SCHIP1: variants seen among roughly 807,000 people sequenced by gnomAD.
SCHIP1 encodes schwannomin interacting protein 1.
A neutral mutation model predicts 29.7 loss-of-function variants in SCHIP1; 8 were observed. The ratio of observed to expected loss-of-function variants is 0.27; its 90% confidence interval spans 0.16 to 0.49. SCHIP1 has a LOEUF of 0.49. Ranked by LOEUF, SCHIP1 falls within the 20% of genes least tolerant of loss-of-function variation. The probability of loss-of-function intolerance (pLI) is 0.99; values close to 1 mark genes in which losing one functional copy is unlikely to be tolerated. For synonymous variants in SCHIP1, 76 were observed against 94.9 expected (o/e 0.80, Z 1.16); for missense variants, 193 against 294.6 (o/e 0.66, Z 2.52).
At chr3:159,761,737 A>G in the SCHIP1 span, among the ~76,000 whole-genome samples, 3 of 152,254 alleles carry the variant, frequency 2.0e-5, no homozygotes, top group Non-Finnish European at 4.4e-5. Flanking sequence ...AGGTAATTCA[A>G]AGATGTTTAT....
the SCHIP1 span, among the ~76,000 whole-genome samples, chr3:159,362,090 G>C: frequency 1.3e-5 from 2 of 152,100 alleles, no homozygotes; most frequent in Admixed American, 6.6e-5. Context: ...AAAAGTTAGA[G>C]GGTCAACGAT....
the SCHIP1 span, among the ~76,000 whole-genome samples, chr3:159,584,102 A>G: frequency 6.6e-6 from 1 of 151,984 alleles, no homozygotes; most frequent in Non-Finnish European, 1.5e-5. Context: ...TATTCTCCCC[A>G]CTATCTCTTC....
the SCHIP1 span, among the ~76,000 whole-genome samples, chr3:159,681,331 A>G: frequency 6.6e-6 from 1 of 152,276 alleles, no homozygotes; most frequent in South Asian, 2.1e-4. Flanking sequence ...GGAGAATTAA[A>G]TTCTCAAGCA....
chr3:159,601,996 G>A, the SCHIP1 span, among the ~76,000 whole-genome samples: 2 of 152,182 alleles, frequency 1.3e-5, no homozygotes, highest in African/African-American at 4.8e-5. Flanking sequence ...GGGAGGGTGA[G>A]TAACCCAGAA....
At chr3:159,315,425 T>C in the SCHIP1 span, among the ~76,000 whole-genome samples, 1 of 149,948 alleles carries the variant, frequency 6.7e-6, no homozygotes, top group Non-Finnish European at 1.5e-5. Flanking sequence ...AGACAGGGTT[T>C]CACTGTGTTA....
At chr3:159,717,337 C>A in the SCHIP1 span, among the ~76,000 whole-genome samples, 1 of 152,072 alleles carries the variant, frequency 6.6e-6, no homozygotes, top group Non-Finnish European at 1.5e-5. Flanking sequence ...GAAGCAAGAG[C>A]AAACACATTC....
the SCHIP1 span, among the ~76,000 whole-genome samples, chr3:159,468,732 A>T: frequency 7.0e-6 from 1 of 143,200 alleles, no homozygotes; most frequent in Non-Finnish European, 1.5e-5. Context: ...ATATATATAT[A>T]ATATAATATA....
chr3:159,510,963 C>T, the SCHIP1 span, among the ~76,000 whole-genome samples: 6 of 152,200 alleles, frequency 3.9e-5, no homozygotes, highest in Non-Finnish European at 8.8e-5. Flanking sequence ...TCTCAAACTC[C>T]GTGCTGGGAG....
chr3:159,356,895 T>C, the SCHIP1 span, among the ~76,000 whole-genome samples: 54,513 of 152,078 alleles, frequency 0.36, 11,195 homozygotes, highest in East Asian at 0.47. Flanking sequence ...AGAGAGCAGT[T>C]CTAAATTATA....
chr3:159,489,195 G>T, the SCHIP1 span, among the ~76,000 whole-genome samples: 1 of 152,136 alleles, frequency 6.6e-6, no homozygotes, highest in Non-Finnish European at 1.5e-5. Context: ...ATGAGGTGCT[G>T]ATACTCATTT....
the SCHIP1 span, among the ~76,000 whole-genome samples, chr3:159,485,481 TG>T: frequency 6.6e-6 from 1 of 152,324 alleles, no homozygotes; most frequent in South Asian, 2.1e-4. Context: ...TTAAACCAAT[TG>T]GCTGTGAGAT....
chr3:159,842,692 C>A (rs959452410), intron 1 of SCHIP1, among the ~76,000 whole-genome samples: 6 of 152,030 alleles, frequency 3.9e-5, no homozygotes, highest in Non-Finnish European at 8.8e-5. Flanking sequence ...TTCTGCCTGG[C>A]ATGCACCCCC....
chr3:159,849,117 T>G (rs1282441390), intron 1 of SCHIP1, among the ~76,000 whole-genome samples: 1 of 152,150 alleles, frequency 6.6e-6, no homozygotes. Flanking sequence ...TCAGTACTAT[T>G]CCTTGTTGCT....
the SCHIP1 span, among the ~76,000 whole-genome samples, chr3:159,829,853 C>T: frequency 6.6e-6 from 1 of 152,184 alleles, no homozygotes; most frequent in East Asian, 1.9e-4. Context: ...TGTGCAATGA[C>T]AAGCAAACAC....
At chr3:159,506,712 G>T in the SCHIP1 span, among the ~76,000 whole-genome samples, 6 of 152,082 alleles carry the variant, frequency 3.9e-5, no homozygotes, top group Non-Finnish European at 7.4e-5. Context: ...AGCACCATTT[G>T]TTGAATAGGG....
At chr3:159,822,703 A>C in the SCHIP1 span, among the ~76,000 whole-genome samples, 3 of 150,086 alleles carry the variant, frequency 2.0e-5, no homozygotes, top group Non-Finnish European at 4.5e-5. Context: ...CTAGTAACAG[A>C]ACTAACACTG....
the SCHIP1 span, among the ~76,000 whole-genome samples, chr3:159,538,919 A>G: frequency 0.026 from 4,014 of 152,188 alleles, 149 homozygotes; most frequent in African/African-American, 0.086. Flanking sequence ...CTATGCCTCT[A>G]TAAGAACATG....
chr3:159,607,150 G>A, the SCHIP1 span, among the ~76,000 whole-genome samples: 1 of 152,054 alleles, frequency 6.6e-6, no homozygotes, highest in East Asian at 1.9e-4. Flanking sequence ...TTTTCCTATT[G>A]AAGAGTTCAG....
the SCHIP1 span, among the ~76,000 whole-genome samples, chr3:159,399,486 A>C: frequency 2.0e-5 from 3 of 152,110 alleles, no homozygotes; most frequent in Non-Finnish European, 4.4e-5. Context: ...TTCTCAATAA[A>C]TATTTGTTGT....
Sources: gnomAD v4.1 joint callset for allele counts (sites outside exome capture counted in the v4.1 genomes callset) on GRCh38, gnomAD v4.1.1 for gene constraint, MANE v1.5 for transcripts, NCBI Gene and HGNC (gene_info 2026-07-23, HGNC 2026-07-21) for gene names.